Variants in JAK2 observed in about 807,000 individuals in gnomAD.
JAK2 encodes the protein tyrosine-protein kinase JAK2.
JAK2 carries 86 observed loss-of-function variants against 139.3 expected under a neutral mutation model. The ratio of observed to expected loss-of-function variants is 0.62; its 90% CI spans 0.52 to 0.74. The LOEUF (loss-of-function observed/expected upper bound fraction) is 0.74, where lower values mean the gene tolerates loss of function less well. JAK2 is among the 30% of genes least tolerant of loss of function. The probability of loss-of-function intolerance (pLI) is 0.00; values close to 1 mark genes in which losing one functional copy is unlikely to be tolerated. For synonymous variants in JAK2, 490 were observed against 437.7 expected (o/e 1.12, Z -1.49); for missense variants, 1,421 against 1,360.3 (o/e 1.04, Z -0.70).
intron 22 of JAK2, among the ~76,000 whole-genome samples, chr9:5,102,930 C>A (rs554350466): frequency 6.6e-6 from 1 of 152,116 alleles, no homozygotes; most frequent in Admixed American, 6.5e-5. Flanking sequence ...GTAGCAGCCA[C>A]TGCAAAAACA....
chr9:4,991,813 C>G (rs1387433452), intron 2 of JAK2, among the ~76,000 whole-genome samples: 1 of 152,008 alleles, frequency 6.6e-6, no homozygotes, highest in East Asian at 1.9e-4. Flanking sequence ...TCTAAAGCCT[C>G]TCCATTCAGT....
At chr9:4,986,493 C>G (rs1036090757) in intron 2 of JAK2, among the ~76,000 whole-genome samples, 5 of 152,136 alleles carry the variant, frequency 3.3e-5, no homozygotes, top group Non-Finnish European at 7.3e-5. Context: ...AATTACTAAT[C>G]TGTTAGGAGA....
At chr9:5,022,356 A>C (rs558390002) in intron 3 of JAK2, 143 bp downstream of exon 3, 10 of 578,916 alleles carry the variant, frequency 1.7e-5, no homozygotes, top group Admixed American at 1.0e-4. Context: ...ATGCATAGAA[A>C]ATGAAAGTGT....
At chr9:5,111,580 A>G (rs1822545225) in intron 22 of JAK2, 6 of 364,612 alleles carry the variant, frequency 1.6e-5, no homozygotes, top group South Asian at 1.0e-4. Context: ...TGCACCCCTA[A>G]GCCGAGCTCT....
intron 11 of JAK2, 100 bp from the exon 12 acceptor site, chr9:5,069,825 C>A: frequency 5.1e-6 from 3 of 589,310 alleles, no homozygotes; most frequent in Non-Finnish European, 7.9e-6. Flanking sequence ...AGTTATTAAG[C>A]ATTTCTTATA....
intron 22 of JAK2, among the ~76,000 whole-genome samples, chr9:5,103,306 G>T (rs535876692): frequency 2.9e-5 from 3 of 104,300 alleles, no homozygotes; most frequent in East Asian, 6.2e-4. Context: ...AGCCAACAAA[G>T]ATCAAAAGAG....
intron 2 of JAK2, among the ~76,000 whole-genome samples, chr9:5,021,521 A>G (rs1474794920): frequency 6.6e-6 from 1 of 152,192 alleles, no homozygotes; most frequent in Admixed American, 6.5e-5. Flanking sequence ...GTAATACACG[A>G]TATTTATCCA....
chr9:4,988,610 T>G (rs1193814713), intron 2 of JAK2, among the ~76,000 whole-genome samples: 2 of 152,244 alleles, frequency 1.3e-5, no homozygotes, highest in Non-Finnish European at 2.9e-5. Flanking sequence ...GATATAAAGC[T>G]AGTACCAGCT....
At chr9:5,060,377 T>A (rs1284530584) in intron 8 of JAK2, among the ~76,000 whole-genome samples, 2 of 152,172 alleles carry the variant, frequency 1.3e-5, no homozygotes, top group Non-Finnish European at 2.9e-5. Context: ...TGGTAACATT[T>A]TACCCACAGT....
intron 22 of JAK2, among the ~76,000 whole-genome samples, chr9:5,101,820 G>A (rs544695259): frequency 6.6e-6 from 1 of 152,266 alleles, no homozygotes; most frequent in East Asian, 1.9e-4. Flanking sequence ...CTGACTGTTA[G>A]AAAGAAAACT....
In JAK2 at chr9:4,997,918, A is replaced by AT. The variant is rs574801066; in HGVS notation, c.-26+11905dup. The stretch of plus-strand genomic sequence containing the variant: ...TTCCTTGTTTATCCATAGGTGCTTA[A>AT]TTTTTTTTTAATCTGAATGCATTAT... On this transcript the variant is annotated intron_variant, in intron 2 of 24. Transcript: ENST00000381652. Among the ~76,000 whole-genome samples the AT allele has an allele frequency of 1.6e-4, 24 of 151,412 alleles. No individual in the cohort carries two copies. In the South Asian group the frequency reaches 4.0e-3, roughly 25 times the overall value.
rs1193118266 is a variant in JAK2, at chr9:5,127,907, C to T, written c.*1116C>T. The T allele has an allele frequency of 8.6e-6, 2 of 232,120 alleles. No individual in the cohort carries two copies. Among genetic ancestry groups the T allele is most frequent in the East Asian group, 6.0e-5 (1 of 16,596 alleles). The allele number at this position is 232,120 out of a possible 1,614,324, so 14.4% of individuals were successfully genotyped here. A position where few individuals can be genotyped will look rare whatever the true frequency, so the allele number is the denominator to read the frequency against. On this transcript the variant is annotated 3_prime_UTR_variant, in exon 25 of 25. Transcript: ENST00000381652. ...TGAGGTAAATAAGTAAAAAAGTATG[C>T]TTGTTAATTTTATTCAAGAATGCCA...
chr9:5,120,760 C>G (rs1391180962), intron 22 of JAK2, among the ~76,000 whole-genome samples: 1 of 152,164 alleles, frequency 6.6e-6, no homozygotes, highest in Non-Finnish European at 1.5e-5. Flanking sequence ...CTAAGCTATA[C>G]TCTAAAGGGA....
chr9:5,122,869 T>C (rs1016805435), intron 22 of JAK2, 135 bp from the exon 23 acceptor site: 5 of 498,982 alleles, frequency 1.0e-5, no homozygotes, highest in Non-Finnish European at 1.7e-5. Context: ...CTTTTAATCA[T>C]AGAAGCCTCA....
At chr9:5,017,314 CAAT>C (rs1477074391) in intron 2 of JAK2, among the ~76,000 whole-genome samples, 2 of 152,118 alleles carry the variant, frequency 1.3e-5, no homozygotes, top group South Asian at 2.1e-4. Context: ...AGACCCAAAA[CAAT>C]GATGAGCACA....
intron 2 of JAK2, among the ~76,000 whole-genome samples, chr9:5,011,155 A>T (rs1467732317): frequency 6.6e-6 from 1 of 152,200 alleles, no homozygotes; most frequent in Admixed American, 6.5e-5. Context: ...TTTTTTAAAC[A>T]AACTTGGAAA....
At position 5,081,339 on chromosome 9, in the gene JAK2, A is replaced by G. The variant is rs78917582; in HGVS notation, c.2435-386A>G. On this transcript the variant is annotated intron_variant, in intron 18 of 24. Coordinates refer to ENST00000381652, the MANE Select transcript of JAK2 (RefSeq NM_004972.4). ...TATTTTATAATTGATTGATTCTCTA[A>G]ACATGAGCTGTATTTGTTTTGCTTT... 9.1e-3 allele frequency among the ~76,000 whole-genome samples: 1,383 copies of G among 152,088 alleles called. 22 individuals carry two copies. The highest frequency in any genetic ancestry group is 0.032 in the African/African-American group (1,328 of 41,444).
At chr9:4,990,221 C>G (rs1014373218) in intron 2 of JAK2, among the ~76,000 whole-genome samples, 1 of 152,154 alleles carries the variant, frequency 6.6e-6, no homozygotes, top group Non-Finnish European at 1.5e-5. Flanking sequence ...AGAGTGTTGA[C>G]TCTCCAAGAC....
At chr9:5,124,822 G>A (rs1026615057) in intron 23 of JAK2, among the ~76,000 whole-genome samples, 2 of 151,348 alleles carry the variant, frequency 1.3e-5, no homozygotes, top group Non-Finnish European at 3.0e-5. Flanking sequence ...TTTTTAACAT[G>A]AGAAAGGATT....
Sources: gnomAD v4.1 joint callset for allele counts (sites outside exome capture counted in the v4.1 genomes callset) on GRCh38, gnomAD v4.1.1 for gene constraint, MANE v1.5 for transcripts, NCBI Gene and HGNC (gene_info 2026-07-23, HGNC 2026-07-21) for gene names.